Variants in EBF1 observed in about 807,000 individuals in gnomAD.
The protein encoded by EBF1 is EBF transcription factor 1, also known as transcription factor COE1.
Under a neutral mutation model 68.4 loss-of-function variants are expected in EBF1, and 10 were observed. The observed-to-expected ratio is 0.15, with a 90% CI of 0.09 to 0.25. EBF1 has a LOEUF of 0.25. Ranked by LOEUF, EBF1 falls within the 10% of genes least tolerant of loss-of-function variation. The pLI, the probability that EBF1 is intolerant of heterozygous loss-of-function variation, is 1.00. For synonymous variants in EBF1, 298 were observed against 299.8 expected (o/e 0.99, Z 0.06); for missense variants, 509 against 794.4 (o/e 0.64, Z 4.32).
chr5:158,728,361 G>T (rs1763421020), intron 11 of EBF1, among the ~76,000 whole-genome samples: 1 of 152,150 alleles, frequency 6.6e-6, no homozygotes, highest in Non-Finnish European at 1.5e-5. Flanking sequence ...AGGAAAAAAG[G>T]GTTGGGAATT....
rs542376648 is a variant in EBF1, at chr5:159,042,138, C to T, written c.554+31258G>A. On this transcript the variant is annotated intron_variant, in intron 6 of 15. Transcript: ENST00000313708. ...TGCTGTCGGCGCCAACCCATCAAAGCCATGGCATGGAGGGATGCACACCTG... is the reference window on the plus strand; with the variant it reads ...TGCTGTCGGCGCCAACCCATCAAAGTCATGGCATGGAGGGATGCACACCTG... Among the ~76,000 whole-genome samples the T allele has an allele frequency of 3.3e-5, 5 of 152,252 alleles. No individual in the cohort carries two copies. In the South Asian group the frequency reaches 1.0e-3, roughly 32 times the overall value.
At chr5:158,809,778 C>T (rs1001978210) in intron 8 of EBF1, among the ~76,000 whole-genome samples, 7 of 152,150 alleles carry the variant, frequency 4.6e-5, no homozygotes, top group Non-Finnish European at 7.4e-5. Context: ...CTAACACAAA[C>T]GATAGCAACA....
At chr5:158,896,192 C>T (rs1487439993) in intron 6 of EBF1, among the ~76,000 whole-genome samples, 1 of 152,156 alleles carries the variant, frequency 6.6e-6, no homozygotes, top group Non-Finnish European at 1.5e-5. Flanking sequence ...AAAGAGCTTT[C>T]AAGGAATACG....
chr5:158,699,742 C>T (rs1240326021), intron 15 of EBF1, among the ~76,000 whole-genome samples: 1 of 152,174 alleles, frequency 6.6e-6, no homozygotes, highest in Non-Finnish European at 1.5e-5. Context: ...GAGGAGAAGA[C>T]AGGTTTGCAT....
chr5:158,721,567 T>C, intron 11 of EBF1, among the ~76,000 whole-genome samples: 1 of 152,208 alleles, frequency 6.6e-6, no homozygotes, highest in Non-Finnish European at 1.5e-5. Context: ...CATAATTTTA[T>C]TGAGTGAAAA....
chr5:159,047,480 A>G (rs999788933), intron 6 of EBF1, among the ~76,000 whole-genome samples: 5 of 152,122 alleles, frequency 3.3e-5, no homozygotes, highest in African/African-American at 1.2e-4. Context: ...GGGGTGGCGC[A>G]AAGGGGACAG....
chr5:158,837,750 G>A (rs1007858300), intron 7 of EBF1, among the ~76,000 whole-genome samples: 7 of 152,184 alleles, frequency 4.6e-5, no homozygotes, highest in Middle Eastern at 3.4e-3. Flanking sequence ...AGTTCTACAC[G>A]GATGCTCTTT....
intron 6 of EBF1, among the ~76,000 whole-genome samples, chr5:158,954,922 C>CA (rs1248845335): frequency 6.6e-6 from 1 of 151,994 alleles, no homozygotes; most frequent in Non-Finnish European, 1.5e-5. Flanking sequence ...TACATATGAA[C>CA]AAAAAACTAA....
chr5:159,095,046 G>C (rs1024951032), intron 4 of EBF1, among the ~76,000 whole-genome samples: 1 of 152,144 alleles, frequency 6.6e-6, no homozygotes, highest in African/African-American at 2.4e-5. Flanking sequence ...AAACTTGGAG[G>C]CAAAAGCAGG....
intron 9 of EBF1, among the ~76,000 whole-genome samples, chr5:158,788,613 G>A (rs1777930761): frequency 6.6e-6 from 1 of 152,086 alleles, no homozygotes; most frequent in African/African-American, 2.4e-5. Context: ...CCAACCTAGT[G>A]ATCAGCAATC....
chr5:158,727,634 C>A (rs1371219559), intron 11 of EBF1, among the ~76,000 whole-genome samples: 1 of 152,186 alleles, frequency 6.6e-6, no homozygotes, highest in Non-Finnish European at 1.5e-5. Context: ...CAAAAAACAT[C>A]TGGGGTTAGC....
rs73816065 is a variant in EBF1 at position 158,808,990 on chromosome 5, C to T, written c.779-12515G>A. ...TTTAGTGAACTCTTCCTATCTTTCCCATTTATTATTTACTGCACTTTTCCT... is the reference window on the plus strand; with the variant it reads ...TTTAGTGAACTCTTCCTATCTTTCCTATTTATTATTTACTGCACTTTTCCT... On this transcript the variant is annotated intron_variant, in intron 8 of 15. Coordinates refer to ENST00000313708, the MANE Select transcript of EBF1 (RefSeq NM_024007.5). 8.8e-3 allele frequency among the ~76,000 whole-genome samples: 1,345 copies of T among 152,184 alleles called. 23 individuals carry two copies. Among genetic ancestry groups the T allele is most frequent in the African/African-American group, 0.031 (1,291 of 41,550 alleles).
chr5:158,885,509 G>A (rs1271189378), intron 6 of EBF1, among the ~76,000 whole-genome samples: 1 of 152,152 alleles, frequency 6.6e-6, no homozygotes, highest in Non-Finnish European at 1.5e-5. Context: ...ATATTCAGAG[G>A]ATCAGTTAAT....
At position 158,697,831 on chromosome 5, in the gene EBF1, T is replaced by C. The variant is rs1366110404; in HGVS notation, c.*1280A>G. 4.8e-6 allele frequency: 1 copy of C among 209,390 alleles called. No individual in the cohort carries two copies. Among genetic ancestry groups the C allele is most frequent in the Non-Finnish European group, 9.7e-6 (1 of 103,076 alleles). 13.0% of individuals were successfully genotyped at this position (209,390 alleles called of 1,614,324 possible). On this transcript the variant is annotated 3_prime_UTR_variant, in exon 16 of 16. Transcript: ENST00000313708. ...AAGAAAAAAATATCAGGCAAATGCA[T>C]CCTCAGAGCTTTGCTGCATCTTTGC... is the stretch of plus-strand genomic sequence containing the variant.
At chr5:158,712,371 T>C (rs772250061) in intron 13 of EBF1, 38 bp from the exon 14 acceptor site, 16 of 1,606,518 alleles carry the variant, frequency 1.0e-5, no homozygotes, top group Non-Finnish European at 1.3e-5. Context: ...GAGGGTGGCA[T>C]TCAGATGGTG....
At chr5:159,049,284 C>G (rs1306702927) in intron 6 of EBF1, among the ~76,000 whole-genome samples, 1 of 152,222 alleles carries the variant, frequency 6.6e-6, no homozygotes, top group African/African-American at 2.4e-5. Context: ...ACTCCAGCAG[C>G]TCTTCCTTCC....
chr5:158,926,449 G>A (rs1418882279), intron 6 of EBF1, among the ~76,000 whole-genome samples: 1 of 152,106 alleles, frequency 6.6e-6, no homozygotes, highest in Non-Finnish European at 1.5e-5. Context: ...TTATTGGCCG[G>A]GCGCAGTGGA....
At chr5:158,968,371 CTG>C (rs1465643604) in intron 6 of EBF1, among the ~76,000 whole-genome samples, 1 of 152,176 alleles carries the variant, frequency 6.6e-6, no homozygotes, top group Non-Finnish European at 1.5e-5. Context: ...TCTTGTTTTA[CTG>C]TGTCGGCCTA....
At chr5:158,770,310 T>C (rs957125953) in intron 10 of EBF1, among the ~76,000 whole-genome samples, 3 of 152,132 alleles carry the variant, frequency 2.0e-5, no homozygotes, top group South Asian at 2.1e-4. Context: ...TCTCCACTGA[T>C]TACCACCCAA....
Sources: gnomAD v4.1 joint callset for allele counts (sites outside exome capture counted in the v4.1 genomes callset) on GRCh38, gnomAD v4.1.1 for gene constraint, MANE v1.5 for transcripts, NCBI Gene and HGNC (gene_info 2026-07-23, HGNC 2026-07-21) for gene names.